The following ARHGAP24 variants were observed in gnomAD, a reference collection of about 807,000 sequenced individuals.
ARHGAP24 encodes the protein rho GTPase-activating protein 24.
ARHGAP24 carries 50 observed loss-of-function variants against 76.4 expected under a neutral mutation model. The observed-to-expected ratio is 0.65, with a 90% CI of 0.52 to 0.83. The LOEUF (loss-of-function observed/expected upper bound fraction) is 0.83, where lower values mean the gene tolerates loss of function less well. Ranked by LOEUF, ARHGAP24 falls within the 40% of genes least tolerant of loss-of-function variation. The pLI, the probability that ARHGAP24 is intolerant of heterozygous loss-of-function variation, is 0.00. For synonymous variants in ARHGAP24, 345 were observed against 323.3 expected (o/e 1.07, Z -0.72); for missense variants, 930 against 914.2 (o/e 1.02, Z -0.22).
At chr4:85,990,949 CTT>C (rs991302816) in intron 8 of ARHGAP24, 1 of 151,942 alleles carries the variant, frequency 6.6e-6, no homozygotes, top group African/African-American at 2.4e-5. Flanking sequence ...AAAATTGACA[CTT>C]TTCAAAAAGT....
At chr4:85,896,556 T>C (rs1048419680) in intron 3 of ARHGAP24, among the ~76,000 whole-genome samples, 2 of 152,190 alleles carry the variant, frequency 1.3e-5, no homozygotes, top group Admixed American at 1.3e-4. Flanking sequence ...CTTCTTGAAG[T>C]TTCACTTGCA....
At chr4:85,720,627 G>A (rs143142590) in intron 2 of ARHGAP24, among the ~76,000 whole-genome samples, 214 of 152,260 alleles carry the variant, frequency 1.4e-3, no homozygotes, top group African/African-American at 4.9e-3. Flanking sequence ...CTTACAGTTG[G>A]TTATTGAAAT....
chr4:85,489,735 T>C (rs1023088095), intron 1 of ARHGAP24, among the ~76,000 whole-genome samples: 12 of 152,172 alleles, frequency 7.9e-5, no homozygotes, highest in Non-Finnish European at 1.8e-4. Flanking sequence ...CCTTCCGACA[T>C]TTGCTCATGG....
chr4:85,897,960 G>T (rs1734279689), intron 3 of ARHGAP24, among the ~76,000 whole-genome samples: 1 of 148,224 alleles, frequency 6.7e-6, no homozygotes, highest in South Asian at 2.1e-4. Flanking sequence ...CATGTTTCCT[G>T]TATAGAAATT....
At chr4:85,922,513 T>C (rs1218103700) in intron 3 of ARHGAP24, among the ~76,000 whole-genome samples, 1 of 152,164 alleles carries the variant, frequency 6.6e-6, no homozygotes, top group Admixed American at 6.5e-5. Flanking sequence ...GGATCAAGTA[T>C]ACAACACTGC....
intron 3 of ARHGAP24, among the ~76,000 whole-genome samples, chr4:85,810,788 A>G (rs1174299322): frequency 2.6e-5 from 4 of 152,228 alleles, no homozygotes. Context: ...GTTTGTAGAG[A>G]TATAAAATTA....
At chr4:85,892,403 C>G (rs1733923106) in intron 3 of ARHGAP24, among the ~76,000 whole-genome samples, 1 of 3,540 alleles carries the variant, frequency 2.8e-4, no homozygotes, top group Non-Finnish European at 5.6e-4. Flanking sequence ...CTTCTGCTAG[C>G]TTTTGAATGT....
intron 3 of ARHGAP24, among the ~76,000 whole-genome samples, chr4:85,898,355 T>C (rs1029572198): frequency 2.6e-5 from 4 of 152,104 alleles, no homozygotes; most frequent in Admixed American, 1.3e-4. Context: ...TTCCTCTCCC[T>C]TAGCGTAGAT....
rs575475293 is a variant in ARHGAP24 at position 85,620,532 on chromosome 4, C to A, written c.180+49811C>A. Among the ~76,000 whole-genome samples, 34 of 151,546 alleles carry A rather than the reference C, an allele frequency of 2.2e-4. No individual in the cohort carries two copies. The South Asian group carries it at 4.4e-3, about 19-fold the overall frequency. On this transcript the variant is annotated intron_variant, in intron 2 of 9. Transcript: ENST00000395184. ...TTATTTATACCTTTGAGTGTTTGCT[C>A]TTTTTTTCTTAATCAAATCTTTCTA... is the stretch of plus-strand genomic sequence containing the variant.
At chr4:85,668,211 C>A (rs1055045805) in intron 2 of ARHGAP24, among the ~76,000 whole-genome samples, 3 of 152,164 alleles carry the variant, frequency 2.0e-5, no homozygotes, top group African/African-American at 7.2e-5. Context: ...TTGGTTTACT[C>A]TAATACTATG....
At chr4:85,589,093 C>T (rs1211331948) in intron 2 of ARHGAP24, among the ~76,000 whole-genome samples, 1 of 152,224 alleles carries the variant, frequency 6.6e-6, no homozygotes, top group Non-Finnish European at 1.5e-5. Context: ...CTGTAAACTT[C>T]ACCACCTCCT....
At chr4:85,928,709 G>A (rs756331426) in intron 4 of ARHGAP24, among the ~76,000 whole-genome samples, 4 of 152,040 alleles carry the variant, frequency 2.6e-5, no homozygotes, top group South Asian at 4.1e-4. Flanking sequence ...TGATCCACCC[G>A]CCTCAGCCTC....
At chr4:85,875,837 G>A (rs1231080697) in intron 3 of ARHGAP24, among the ~76,000 whole-genome samples, 2 of 150,762 alleles carry the variant, frequency 1.3e-5, no homozygotes, top group African/African-American at 2.4e-5. Context: ...TGCATCCCGG[G>A]TTCAAGCAAT....
intron 1 of ARHGAP24, among the ~76,000 whole-genome samples, chr4:85,562,098 G>A (rs1156566787): frequency 6.6e-6 from 1 of 152,182 alleles, no homozygotes; most frequent in Non-Finnish European, 1.5e-5. Context: ...GGCCATATAG[G>A]CCGTGACAAA....
At chr4:85,495,690 T>C (rs1474116600) in intron 1 of ARHGAP24, among the ~76,000 whole-genome samples, 1 of 151,906 alleles carries the variant, frequency 6.6e-6, no homozygotes, top group Non-Finnish European at 1.5e-5. Flanking sequence ...AATTACAGGA[T>C]ATGAGGGGAG....
intron 3 of ARHGAP24, among the ~76,000 whole-genome samples, chr4:85,920,936 T>A (rs1735686123): frequency 6.6e-6 from 1 of 152,200 alleles, no homozygotes; most frequent in South Asian, 2.1e-4. Context: ...GGTGGGCATA[T>A]AAATTAGTTC....
intron 1 of ARHGAP24, among the ~76,000 whole-genome samples, chr4:85,485,362 AAAAAAAAAAAAAAAATATAT>A (rs1722990902): frequency 1.7e-5 from 1 of 59,950 alleles, no homozygotes; most frequent in African/African-American, 7.7e-5. Flanking sequence ...AAAAAAAAAA[AAAAAAAAAAAAAAAATATAT>A]ATATATATAT....
At chr4:85,972,615 T>G (rs1026425030) in intron 6 of ARHGAP24, among the ~76,000 whole-genome samples, 4 of 152,198 alleles carry the variant, frequency 2.6e-5, no homozygotes, top group Non-Finnish European at 4.4e-5. Context: ...AAATGTATGA[T>G]TCAGTGTTTT....
At chr4:85,640,131 T>C (rs1337142547) in intron 2 of ARHGAP24, among the ~76,000 whole-genome samples, 1 of 152,140 alleles carries the variant, frequency 6.6e-6, no homozygotes, top group Non-Finnish European at 1.5e-5. Context: ...CAACCTCTTT[T>C]ATCAGATGCT....
Sources: allele counts gnomAD v4.1 joint callset (sites outside exome capture counted in the v4.1 genomes callset), GRCh38; gene constraint gnomAD v4.1.1; transcripts MANE v1.5; gene names NCBI Gene and HGNC (gene_info 2026-07-23, HGNC 2026-07-21).